Variants in PARG observed in about 807,000 individuals in gnomAD.
PARG encodes the protein mitochondrial poly(ADP-ribose) glycohydrolase.
PARG carries 35 observed loss-of-function variants against 113.0 expected under a neutral mutation model. That is an observed-to-expected ratio of 0.31 (90% CI 0.24 to 0.41). PARG has a LOEUF of 0.41. Among genes scored for constraint, PARG ranks in the 10% least tolerant of loss-of-function variants. The probability of loss-of-function intolerance (pLI) is 1.00; values close to 1 mark genes in which losing one functional copy is unlikely to be tolerated. For missense variants in PARG, 797 were observed against 1,169.4 expected, an observed-to-expected ratio of 0.68 and a Z score of 4.64; for synonymous variants, 330 against 409.9, an observed-to-expected ratio of 0.81 and a Z score of 2.36.
At chr10:49,901,360 C>CTT (rs1319914776) in intron 7 of PARG, among the ~76,000 whole-genome samples, 1 of 151,526 alleles carries the variant, frequency 6.6e-6, no homozygotes, top group African/African-American at 2.4e-5. Context: ...GCAATCATCC[C>CTT]ACCTCAGCCT....
intron 7 of PARG, among the ~76,000 whole-genome samples, chr10:49,911,765 T>A (rs1322906153): frequency 6.6e-6 from 1 of 152,192 alleles, no homozygotes; most frequent in Non-Finnish European, 1.5e-5. Context: ...AGAATGTAGG[T>A]AATTACAGTA....
chr10:49,885,356 A>G, intron 7 of PARG, 61 bp from the exon 8 acceptor site: 1 of 1,051,744 alleles, frequency 9.5e-7, no homozygotes, highest in Non-Finnish European at 1.5e-6. Context: ...ATAACTAATG[A>G]ATATGTTTGT....
chr10:49,838,149 G>T (rs1363253488), intron 15 of PARG, among the ~76,000 whole-genome samples: 1 of 152,144 alleles, frequency 6.6e-6, no homozygotes, highest in Non-Finnish European at 1.5e-5. Flanking sequence ...AAAATGATTT[G>T]GCTGGGCGCA....
intron 13 of PARG, among the ~76,000 whole-genome samples, chr10:49,844,331 A>C (rs1588888597): frequency 6.6e-6 from 1 of 151,212 alleles, no homozygotes; most frequent in East Asian, 2.0e-4. Context: ...ACAACAAAGA[A>C]GACACTACTG....
chr10:49,869,874 A>G (rs1298229810), intron 9 of PARG, among the ~76,000 whole-genome samples: 1 of 152,054 alleles, frequency 6.6e-6, no homozygotes, highest in Non-Finnish European at 1.5e-5. Flanking sequence ...GTCAGTGCAC[A>G]GCTACTTTCT....
chr10:49,836,814 C>A (rs1844959668), intron 15 of PARG, among the ~76,000 whole-genome samples: 1 of 152,092 alleles, frequency 6.6e-6, no homozygotes, highest in South Asian at 2.1e-4. Flanking sequence ...ATAAACAGAT[C>A]AATTTTTAAA....
In PARG at chr10:49,861,641, A is replaced by G; in HGVS notation, c.2152T>C (p.Leu718=). Residue 718 remains leucine, a synonymous_variant, in exon 12 of 18, where the codon TTG becomes CTG. Coordinates refer to ENST00000616448, the MANE Select transcript of PARG (RefSeq NM_003631.5). ...WERCEKPLTR[L]HVTYEGTIEE... ...ATGGTACCTTCGTAAGTGACATGCA[A>G]TCGTGTCAAGGGTTTTTCACATCTA... 6.5e-7 allele frequency: 1 copy of G among 1,537,620 alleles called. No homozygotes were observed. The highest frequency in any genetic ancestry group is 8.9e-7 in the Non-Finnish European group (1 of 1,119,946).
chr10:49,890,241 C>T (rs1279914826), intron 7 of PARG, among the ~76,000 whole-genome samples: 3 of 152,120 alleles, frequency 2.0e-5, no homozygotes, highest in Non-Finnish European at 4.4e-5. Context: ...TTACACACAG[C>T]AAGTGTTTTG....
rs1167517230 is a variant in PARG at position 49,919,971 on chromosome 10, T to G, written c.1662+2365A>C. Among the ~76,000 whole-genome samples, 208 of 152,286 alleles carry G rather than the reference T, an allele frequency of 1.4e-3. 6 individuals carry two copies. Among genetic ancestry groups the G allele is most frequent in the Admixed American group, 0.013 (206 of 15,290 alleles). On this transcript the variant is annotated intron_variant, in intron 6 of 17. Transcript: ENST00000616448. The stretch of plus-strand genomic sequence containing the variant: ...TTTATGTAGTATTTTAAAGAATTTC[T>G]CAGCATACTATTTTGGGGTTTGGAT...
intron 7 of PARG, among the ~76,000 whole-genome samples, chr10:49,913,233 G>A (rs1837295357): frequency 6.6e-6 from 1 of 152,152 alleles, no homozygotes; most frequent in Non-Finnish European, 1.5e-5. Context: ...ATAAACAAGT[G>A]TATTAAACAT....
chr10:49,896,088 T>C (rs1373056931), intron 7 of PARG, among the ~76,000 whole-genome samples: 1 of 152,246 alleles, frequency 6.6e-6, no homozygotes, highest in Non-Finnish European at 1.5e-5. Context: ...TATTTCTTTT[T>C]CTTGCCTTAC....
chr10:49,858,335 A>T lies in PARG; in HGVS notation c.2206-882T>A, dbSNP rs1261076450. ...GAGACTATCTGAGGAGTTAGATCAC[A>T]CACACACACACACACACACACACAC... is the stretch of plus-strand genomic sequence containing the variant. On this transcript the variant is annotated intron_variant, in intron 12 of 17. Coordinates refer to ENST00000616448, the MANE Select transcript of PARG (RefSeq NM_003631.5). 1.0e-3 allele frequency among the ~76,000 whole-genome samples: 37 copies of T among 36,738 alleles called. 1 individual carries two copies. The highest frequency in any genetic ancestry group is 4.9e-3 in the African/African-American group (37 of 7,586). The allele number at this position is 36,738 out of a possible 152,430, so 24.1% of individuals were successfully genotyped here. A position where few individuals can be genotyped will look rare whatever the true frequency, so the allele number is the denominator to read the frequency against.
Position 49,941,511 on chromosome 10 carries a change from A to G in PARG, c.215T>C (p.Leu72Pro). Residue 72 changes from leucine (L) to proline (P), a missense_variant and splice_region_variant, in exon 1 of 18, where the codon CTT becomes CCT. Transcript: ENST00000616448. Reference sequence around the variant, plus strand: ...AAGATTTTTATTTTCCCACGTACCAAGCGAGGTGGCGCTGCCTCTGTGCTG... The same window carrying G: ...AAGATTTTTATTTTCCCACGTACCAGGCGAGGTGGCGCTGCCTCTGTGCTG... ...AGQHRGSATS[L>P]VFKQKTITSW... 1 of 1,549,950 alleles carries G rather than the reference A, an allele frequency of 6.5e-7. No individual in the cohort carries two copies. The highest frequency in any genetic ancestry group is 8.7e-7 in the Non-Finnish European group (1 of 1,145,442).
At chr10:49,841,674 A>C (rs1185730146) in intron 15 of PARG, among the ~76,000 whole-genome samples, 1 of 152,202 alleles carries the variant, frequency 6.6e-6, no homozygotes, top group Non-Finnish European at 1.5e-5. Context: ...TTTTACATTG[A>C]TAATGTCCCA....
At chr10:49,836,366 T>C (rs1007000234) in intron 15 of PARG, among the ~76,000 whole-genome samples, 1 of 133,992 alleles carries the variant, frequency 7.5e-6, no homozygotes, top group African/African-American at 2.7e-5. Context: ...GGTGTGATCC[T>C]AGCTCACTGC....
intron 13 of PARG, among the ~76,000 whole-genome samples, chr10:49,851,013 A>T (rs1845736508): frequency 6.6e-6 from 1 of 152,238 alleles, no homozygotes; most frequent in African/African-American, 2.4e-5. Context: ...CTGAATGACC[A>T]TTGTGATAGC....
intron 16 of PARG, among the ~76,000 whole-genome samples, chr10:49,822,229 T>C (rs1554828776): frequency 6.6e-6 from 1 of 151,732 alleles, no homozygotes; most frequent in East Asian, 1.9e-4. Flanking sequence ...TGTATCTGTG[T>C]GTGTGTGTGT....
intron 7 of PARG, among the ~76,000 whole-genome samples, chr10:49,896,347 C>A (rs1461448881): frequency 6.6e-6 from 1 of 152,000 alleles, no homozygotes; most frequent in Non-Finnish European, 1.5e-5. Flanking sequence ...TGCAGTGGTG[C>A]GATCTTGGCT....
At chr10:49,845,531 T>A (rs1040560308) in intron 13 of PARG, among the ~76,000 whole-genome samples, 1 of 152,232 alleles carries the variant, frequency 6.6e-6, no homozygotes, top group Non-Finnish European at 1.5e-5. Context: ...CAGAGAAGCC[T>A]CAGCTCTGCT....
Sources: allele counts gnomAD v4.1 joint callset (sites outside exome capture counted in the v4.1 genomes callset), GRCh38; gene constraint gnomAD v4.1.1; transcripts MANE v1.5; gene names NCBI Gene and HGNC (gene_info 2026-07-23, HGNC 2026-07-21).